SRBD1: variants seen among roughly 807,000 people sequenced by gnomAD.
The protein encoded by SRBD1 is S1 RNA-binding domain-containing protein 1.
A neutral mutation model predicts 115.3 loss-of-function variants in SRBD1; 88 were observed. That is an observed-to-expected ratio of 0.76 (90% CI 0.64 to 0.91). The LOEUF (loss-of-function observed/expected upper bound fraction) is 0.91. Ranked by LOEUF, SRBD1 falls within the 40% of genes least tolerant of loss-of-function variation. The pLI, the probability that SRBD1 is intolerant of heterozygous loss-of-function variation, is 0.00. For missense variants in SRBD1, 1,385 were observed against 1,177.4 expected (o/e 1.18, Z -2.58); for synonymous variants, 509 against 407.7 (o/e 1.25, Z -2.99).
At chr2:45,528,537 A>G (rs1671518482) in intron 14 of SRBD1, among the ~76,000 whole-genome samples, 1 of 151,878 alleles carries the variant, frequency 6.6e-6, no homozygotes, top group Non-Finnish European at 1.5e-5. Flanking sequence ...CAAAGCAAAA[A>G]GCTAAATTTG....
At chr2:45,451,221 T>C (rs1255920936) in intron 16 of SRBD1, among the ~76,000 whole-genome samples, 1 of 152,118 alleles carries the variant, frequency 6.6e-6, no homozygotes, top group African/African-American at 2.4e-5. Context: ...TTAATTGCAC[T>C]TGAATGGATT....
chr2:45,426,101 T>C (rs139871279), intron 16 of SRBD1, among the ~76,000 whole-genome samples: 6,846 of 152,246 alleles, frequency 0.045, 299 homozygotes, highest in East Asian at 0.14. Flanking sequence ...ATCCACTGGA[T>C]TGAAATTCTC....
intron 14 of SRBD1, among the ~76,000 whole-genome samples, chr2:45,522,196 T>G (rs1051626552): frequency 6.6e-6 from 1 of 152,090 alleles, no homozygotes; most frequent in African/African-American, 2.4e-5. Flanking sequence ...GAAATTTTTT[T>G]TTTTTGACAG....
At chr2:45,477,812 C>T (rs1034091829) in intron 15 of SRBD1, among the ~76,000 whole-genome samples, 1 of 152,230 alleles carries the variant, frequency 6.6e-6, no homozygotes, top group South Asian at 2.1e-4. Flanking sequence ...GGCAAGTGAT[C>T]CTCCTTCTGT....
intron 14 of SRBD1, among the ~76,000 whole-genome samples, chr2:45,528,711 T>C (rs540075386): frequency 1.3e-5 from 2 of 151,714 alleles, no homozygotes; most frequent in Non-Finnish European, 2.9e-5. Flanking sequence ...GAAAAGAAGA[T>C]ATACAGAGAA....
chr2:45,606,449 T>C (rs896200907), intron 1 of SRBD1, among the ~76,000 whole-genome samples: 2 of 152,154 alleles, frequency 1.3e-5, no homozygotes, highest in Admixed American at 6.5e-5. Flanking sequence ...CATGAGTCAC[T>C]GTGCCCAGCC....
intron 14 of SRBD1, among the ~76,000 whole-genome samples, chr2:45,534,971 T>G: frequency 6.6e-6 from 1 of 151,992 alleles, no homozygotes; most frequent in Middle Eastern, 3.4e-3. Context: ...CTACCAAAAA[T>G]TCCCCCTACC....
chr2:45,429,814 T>C (rs1668276454), intron 16 of SRBD1, among the ~76,000 whole-genome samples: 1 of 152,094 alleles, frequency 6.6e-6, no homozygotes. Context: ...GAGAAAGAAA[T>C]AAAGGGTATT....
intron 16 of SRBD1, among the ~76,000 whole-genome samples, chr2:45,449,519 C>T (rs772987464): frequency 5.3e-5 from 8 of 151,986 alleles, no homozygotes; most frequent in Non-Finnish European, 1.0e-4. Flanking sequence ...AAAGTTTTAC[C>T]GATCCTCTGA....
rs1391293406 is a variant in SRBD1 at position 45,414,949 on chromosome 2, TACATACAC to T, written c.2334-1664_2334-1657del. Among the ~76,000 whole-genome samples the T allele has an allele frequency of 2.5e-5, 3 of 120,198 alleles. 1 individual carries two copies. The highest frequency in any genetic ancestry group is 1.7e-4 in the Admixed American group (2 of 11,688). 78.9% of individuals were successfully genotyped at this position (120,198 alleles called of 152,430 possible). A position where few individuals can be genotyped will look rare whatever the true frequency, so the allele number is the denominator to read the frequency against. On this transcript the variant is annotated intron_variant, in intron 18 of 20. Transcript: ENST00000263736. ...TACACACACAGTGTTATATAGTATGTACATACACACACATATAGTGTGTATATAGTATG... is the reference window on the plus strand; with the variant it reads ...TACACACACAGTGTTATATAGTATGTACACATATAGTGTGTATATAGTATG...
At chr2:45,458,265 G>A (rs959859245) in intron 16 of SRBD1, among the ~76,000 whole-genome samples, 2 of 152,016 alleles carry the variant, frequency 1.3e-5, no homozygotes, top group African/African-American at 2.4e-5. Flanking sequence ...TGACCTGAGC[G>A]TGATTAGAAA....
intron 19 of SRBD1, among the ~76,000 whole-genome samples, chr2:45,411,644 G>T (rs1281859800): frequency 6.6e-6 from 1 of 152,090 alleles, no homozygotes; most frequent in African/African-American, 2.4e-5. Context: ...ACAGAAGTAG[G>T]TATTTGTCAA....
chr2:45,460,516 G>A (rs1669281419), intron 16 of SRBD1, among the ~76,000 whole-genome samples: 1 of 152,114 alleles, frequency 6.6e-6, no homozygotes, highest in African/African-American at 2.4e-5. Context: ...AGGCAGGGAA[G>A]AGCAAGGATA....
chr2:45,493,088 T>C (rs1670348423), intron 14 of SRBD1, among the ~76,000 whole-genome samples: 1 of 152,206 alleles, frequency 6.6e-6, no homozygotes, highest in Non-Finnish European at 1.5e-5. Flanking sequence ...CTTCTGCCTA[T>C]CAAAAATGAA....
rs552911801 is a variant in SRBD1 at position 45,516,143 on chromosome 2, T to C, written c.1875-27812A>G. ...TGTTTAATTAAAAAACAAAATTTTA[T>C]ATATAACACTAAATATATGAATTGT... On this transcript the variant is annotated intron_variant, in intron 14 of 20. Transcript: ENST00000263736. 5.3e-5 allele frequency among the ~76,000 whole-genome samples: 8 copies of C among 152,354 alleles called. No individual in the cohort carries two copies. The South Asian group carries it at 1.4e-3, about 28-fold the overall frequency.
chr2:45,542,946 A>G (rs1671993265), intron 14 of SRBD1, among the ~76,000 whole-genome samples: 1 of 152,250 alleles, frequency 6.6e-6, no homozygotes, highest in Non-Finnish European at 1.5e-5. Flanking sequence ...CCAATAAAAG[A>G]TTATACACTG....
At chr2:45,580,411 T>C (rs1673316051) in intron 6 of SRBD1, among the ~76,000 whole-genome samples, 1 of 151,948 alleles carries the variant, frequency 6.6e-6, no homozygotes, top group Non-Finnish European at 1.5e-5. Flanking sequence ...AGTGGCGCGA[T>C]CTCGGCTCAC....
At chr2:45,514,538 T>A (rs1671065404) in intron 14 of SRBD1, among the ~76,000 whole-genome samples, 1 of 152,174 alleles carries the variant, frequency 6.6e-6, no homozygotes, top group Non-Finnish European at 1.5e-5. Flanking sequence ...GTCATTTAGC[T>A]AACATTTAAA....
intron 16 of SRBD1, among the ~76,000 whole-genome samples, chr2:45,425,785 G>A (rs1444721972): frequency 2.0e-5 from 3 of 152,122 alleles, no homozygotes; most frequent in Non-Finnish European, 4.4e-5. Flanking sequence ...TGCTGTGAGG[G>A]ACTGTGCTGT....
Sources: gnomAD v4.1 joint callset for allele counts (sites outside exome capture counted in the v4.1 genomes callset) on GRCh38, gnomAD v4.1.1 for gene constraint, MANE v1.5 for transcripts, NCBI Gene and HGNC (gene_info 2026-07-23, HGNC 2026-07-21) for gene names.